The following MTA3 variants were observed in gnomAD, a reference collection of about 807,000 sequenced individuals.
MTA3 encodes the protein metastasis-associated protein MTA3.
In MTA3, 34 loss-of-function variants were observed where a neutral mutation model predicts 83.5. The observed-to-expected ratio is 0.41, with a 90% CI of 0.31 to 0.54. MTA3 has a LOEUF of 0.54. Ranked by LOEUF, MTA3 falls within the 20% of genes least tolerant of loss-of-function variation. The pLI, the probability that MTA3 is intolerant of heterozygous loss-of-function variation, is 0.33. For missense variants in MTA3, 761 were observed against 726.4 expected, an observed-to-expected ratio of 1.05 and a Z score of -0.55; for synonymous variants, 303 against 252.7, an observed-to-expected ratio of 1.20 and a Z score of -1.89.
intron 14 of MTA3, among the ~76,000 whole-genome samples, chr2:42,713,650 GTC>G (rs1666804021): frequency 1.3e-5 from 2 of 152,066 alleles, no homozygotes; most frequent in Non-Finnish European, 2.9e-5. Flanking sequence ...ATCTATAAGA[GTC>G]TAAGTAGGCT....
chr2:42,681,780 G>A (rs529517044), intron 8 of MTA3, among the ~76,000 whole-genome samples: 1 of 151,776 alleles, frequency 6.6e-6, no homozygotes, highest in Non-Finnish European at 1.5e-5. Context: ...CAAAGCGCTG[G>A]GATTACAGGC....
chr2:42,718,730 T>A (rs1213686573), intron 14 of MTA3, among the ~76,000 whole-genome samples: 2 of 152,060 alleles, frequency 1.3e-5, no homozygotes, highest in African/African-American at 4.8e-5. Flanking sequence ...GCTATTGTAC[T>A]TCAGCCTGGG....
intron 4 of MTA3, among the ~76,000 whole-genome samples, chr2:42,630,414 C>A (rs577750998): frequency 1.3e-5 from 2 of 152,282 alleles, no homozygotes; most frequent in South Asian, 4.1e-4. Context: ...CCTGCACAGT[C>A]CCCCCAGGTC....
chr2:42,694,831 T>A (rs1368862702), intron 9 of MTA3, among the ~76,000 whole-genome samples: 1 of 152,072 alleles, frequency 6.6e-6, no homozygotes, highest in East Asian at 1.9e-4. Flanking sequence ...TTGAGAACTT[T>A]CCCAAGTAAG....
At chr2:42,580,225 C>T (rs1679464277) in intron 3 of MTA3, among the ~76,000 whole-genome samples, 1 of 152,094 alleles carries the variant, frequency 6.6e-6, no homozygotes, top group Non-Finnish European at 1.5e-5. Flanking sequence ...AAGTGATCCT[C>T]CTGCCTCAGC....
chr2:42,716,270 C>T (rs1192185397), intron 14 of MTA3, among the ~76,000 whole-genome samples: 2 of 152,092 alleles, frequency 1.3e-5, no homozygotes, highest in Admixed American at 6.5e-5. Flanking sequence ...TTTCAGATTC[C>T]TGATTGTTTT....
At position 42,533,413 on chromosome 2, in the gene MTA3, A is replaced by G. The variant is rs554277839; in HGVS notation, c.-140-37024A>G. ...CAACTCCATGTTTTCTAAAAGGCCTAGAGAACACATTTTGGGTGCTCGTCA... is the reference window on the plus strand; with the variant it reads ...CAACTCCATGTTTTCTAAAAGGCCTGGAGAACACATTTTGGGTGCTCGTCA... On this transcript the variant is annotated intron_variant, in intron 2 of 17. Transcript: ENST00000405592. 3 of 151,910 alleles carry G rather than the reference A, an allele frequency of 2.0e-5. 1 individual carries two copies. The South Asian group carries it at 6.2e-4, about 32-fold the overall frequency. 9.4% of individuals were successfully genotyped at this position (151,910 alleles called of 1,614,324 possible). A position where few individuals can be genotyped will look rare whatever the true frequency, so the allele number is the denominator to read the frequency against.
chr2:42,624,364 C>T (rs1191522113), intron 4 of MTA3, among the ~76,000 whole-genome samples: 1 of 151,394 alleles, frequency 6.6e-6, no homozygotes, highest in Non-Finnish European at 1.5e-5. Flanking sequence ...TCTTGTTGCC[C>T]AGGCTGGAGT....
chr2:42,521,473 T>C (rs1675427626), intron 2 of MTA3, among the ~76,000 whole-genome samples: 1 of 152,216 alleles, frequency 6.6e-6, no homozygotes, highest in African/African-American at 2.4e-5. Flanking sequence ...TCATTAAGTT[T>C]TGGGGTAATT....
chr2:42,659,025 G>A (rs1045556403), intron 7 of MTA3, among the ~76,000 whole-genome samples: 2 of 152,048 alleles, frequency 1.3e-5, no homozygotes, highest in Non-Finnish European at 2.9e-5. Flanking sequence ...TTGAGCCCAG[G>A]AAGTTGAGGC....
At position 42,707,953 on chromosome 2, in the gene MTA3, A is replaced by G. The variant is rs748020810; in HGVS notation, c.1201A>G (p.Arg401Gly). ...YSWGPPNMQC[R>G]LCAICWLYWK... The stretch of plus-strand genomic sequence containing the variant: ...TTGGGGCCCACCTAATATGCAGTGT[A>G]GATTATGTGCAATTTGTTGGCTTTA... Residue 401 changes from arginine to glycine, a missense_variant, in exon 13 of 17, where the codon AGA becomes GGA. Arg to Gly is a moderately radical substitution (Grantham distance 125). Coordinates refer to ENST00000405094, the MANE Select transcript of MTA3 (RefSeq NM_001330442.2). 2.0e-5 allele frequency: 32 copies of G among 1,613,382 alleles called. No homozygotes were observed. The highest frequency in any genetic ancestry group is 2.5e-5 in the Non-Finnish European group (30 of 1,179,732).
chr2:42,747,935 TCCTC>T (rs1222744740), intron 16 of MTA3, among the ~76,000 whole-genome samples: 2 of 151,944 alleles, frequency 1.3e-5, no homozygotes, highest in South Asian at 2.1e-4. Context: ...CCCATTATAA[TCCTC>T]CCACCTGCCC....
At chr2:42,522,635 A>G (rs1675479493) in intron 2 of MTA3, among the ~76,000 whole-genome samples, 1 of 151,886 alleles carries the variant, frequency 6.6e-6, no homozygotes, top group African/African-American at 2.4e-5. Flanking sequence ...ATCTCTACAC[A>G]AAAAAATAAA....
intron 2 of MTA3, among the ~76,000 whole-genome samples, chr2:42,549,502 A>T (rs1676992043): frequency 1.1e-5 from 1 of 90,256 alleles, no homozygotes; most frequent in Non-Finnish European, 2.0e-5. Flanking sequence ...ATATTATATC[A>T]TATATAATAT....
Position 42,756,859 on chromosome 2 carries a change from G to C in MTA3, c.*3460G>C, listed in dbSNP as rs1453667627. The C allele has an allele frequency of 3.0e-6, 3 of 985,324 alleles. No individual in the cohort carries two copies. In the Admixed American group the frequency reaches 1.8e-4, roughly 61 times the overall value. 61.0% of individuals were successfully genotyped at this position (985,324 alleles called of 1,614,324 possible). On this transcript the variant is annotated 3_prime_UTR_variant, in exon 17 of 17. Coordinates refer to ENST00000405094, the MANE Select transcript of MTA3 (RefSeq NM_001330442.2). ...CCGCAGGATAATTCGTTCTGAGCAT[G>C]ATACCACAGTGTGGATTGTCTGTCT...
At chr2:42,603,107 C>CTTTTT (rs11352685) in intron 3 of MTA3, among the ~76,000 whole-genome samples, 1 of 128,308 alleles carries the variant, frequency 7.8e-6, no homozygotes, top group Non-Finnish European at 1.6e-5. Flanking sequence ...AATAAATTTA[C>CTTTTT]TTTTTTTTTT....
At chr2:42,737,540 T>C (rs1310759881) in intron 16 of MTA3, among the ~76,000 whole-genome samples, 1 of 152,186 alleles carries the variant, frequency 6.6e-6, no homozygotes, top group Admixed American at 6.5e-5. Context: ...TTTTGGTTCT[T>C]ATGAAGGTGC....
chr2:42,709,423 T>A, intron 14 of MTA3: 3 of 538,314 alleles, frequency 5.6e-6, no homozygotes, highest in Non-Finnish European at 8.2e-6. Context: ...TTTTACCTTT[T>A]AGGTAGTGCC....
At chr2:42,517,423 G>A (rs906440914) in intron 2 of MTA3, among the ~76,000 whole-genome samples, 4 of 147,602 alleles carry the variant, frequency 2.7e-5, no homozygotes, top group Non-Finnish European at 6.0e-5. Context: ...AATACAAAAA[G>A]TTAGCTGGAT....
Sources: allele counts gnomAD v4.1 joint callset (sites outside exome capture counted in the v4.1 genomes callset), GRCh38; gene constraint gnomAD v4.1.1; transcripts MANE v1.5; gene names NCBI Gene and HGNC (gene_info 2026-07-23, HGNC 2026-07-21).